The following PDGFC variants were observed in gnomAD, a reference collection of about 807,000 sequenced individuals.
The protein encoded by PDGFC is platelet-derived growth factor C.
In PDGFC, 12 loss-of-function variants were observed where a neutral mutation model predicts 35.5. The observed-to-expected ratio is 0.34, with a 90% CI of 0.22 to 0.55. The LOEUF (loss-of-function observed/expected upper bound fraction) is 0.55. Among genes scored for constraint, PDGFC ranks in the 20% least tolerant of loss-of-function variants. The pLI, the probability that PDGFC is intolerant of heterozygous loss-of-function variation, is 0.91. For synonymous variants in PDGFC, 159 were observed against 148.8 expected, an observed-to-expected ratio of 1.07 and a Z score of -0.50; for missense variants, 322 against 412.4, an observed-to-expected ratio of 0.78 and a Z score of 1.90.
At chr4:156,960,252 T>TTTTATATATATA (rs1393791877) in intron 1 of PDGFC, among the ~76,000 whole-genome samples, 5 of 137,118 alleles carry the variant, frequency 3.6e-5, no homozygotes, top group African/African-American at 1.4e-4. Flanking sequence ...TATATAACTG[T>TTTTATATATATA]TATATATATA....
At chr4:156,817,052 G>A (rs891395448) in intron 2 of PDGFC, among the ~76,000 whole-genome samples, 3 of 152,072 alleles carry the variant, frequency 2.0e-5, no homozygotes, top group African/African-American at 7.2e-5. Context: ...CACAACACAT[G>A]AATGGGTAAT....
intron 4 of PDGFC, among the ~76,000 whole-genome samples, chr4:156,769,012 T>C (rs961609877): frequency 1.3e-5 from 2 of 151,960 alleles, no homozygotes; most frequent in South Asian, 4.1e-4. Context: ...TCTCTGCCTA[T>C]TTTTTTCCCC....
intron 1 of PDGFC, among the ~76,000 whole-genome samples, chr4:156,883,734 G>A (rs543529538): frequency 6.6e-6 from 1 of 152,164 alleles, no homozygotes; most frequent in African/African-American, 2.4e-5. Flanking sequence ...CTTTCTCTCA[G>A]TGTACCTTAA....
chr4:156,853,161 T>C (rs2911940), intron 1 of PDGFC, among the ~76,000 whole-genome samples: 34,610 of 152,154 alleles, frequency 0.23, 4,474 homozygotes, highest in South Asian at 0.56. Context: ...GTTTGAATTA[T>C]GGGTATTTCT....
At chr4:156,936,071 A>C (rs1335837630) in intron 1 of PDGFC, among the ~76,000 whole-genome samples, 2 of 152,228 alleles carry the variant, frequency 1.3e-5, no homozygotes, top group African/African-American at 4.8e-5. Flanking sequence ...TAATATTAAA[A>C]TATAAATAAG....
intron 3 of PDGFC, among the ~76,000 whole-genome samples, chr4:156,791,110 C>T (rs1731289871): frequency 6.6e-6 from 1 of 152,108 alleles, no homozygotes; most frequent in African/African-American, 2.4e-5. Context: ...TGGCATTTTC[C>T]CAGCCAGTAC....
intron 1 of PDGFC, among the ~76,000 whole-genome samples, chr4:156,881,734 G>T (rs920927488): frequency 4.6e-5 from 7 of 150,656 alleles, no homozygotes; most frequent in Non-Finnish European, 1.5e-5. Flanking sequence ...GGAGGCTGAG[G>T]AAGGAGAATC....
chr4:156,821,763 T>A (rs1174435743), intron 2 of PDGFC, among the ~76,000 whole-genome samples: 1 of 152,130 alleles, frequency 6.6e-6, no homozygotes, highest in Non-Finnish European at 1.5e-5. Context: ...TTGGCCAGGC[T>A]GGTCTTGAGC....
chr4:156,778,110 T>TA (rs1347282755), intron 3 of PDGFC: 1 of 240,660 alleles, frequency 4.2e-6, no homozygotes, highest in African/African-American at 2.3e-5. Context: ...CCTCAAAAAA[T>TA]AAAAAATAAA....
At chr4:156,795,319 A>G (rs563296445) in intron 3 of PDGFC, among the ~76,000 whole-genome samples, 1 of 152,328 alleles carries the variant, frequency 6.6e-6, no homozygotes, top group East Asian at 1.9e-4. Flanking sequence ...CAGGAAGGAA[A>G]GCCTCATAAA....
intron 1 of PDGFC, among the ~76,000 whole-genome samples, chr4:156,968,289 T>A (rs192923501): frequency 7.8e-4 from 118 of 152,224 alleles, no homozygotes; most frequent in Admixed American, 4.2e-3. Context: ...TCATAATATA[T>A]CAATTTGGAC....
intron 1 of PDGFC, among the ~76,000 whole-genome samples, chr4:156,944,945 TG>T (rs1731903490): frequency 2.6e-5 from 4 of 151,906 alleles, no homozygotes; most frequent in Non-Finnish European, 4.4e-5. Context: ...CCTCTCCCCT[TG>T]GCCCTGTCTG....
chr4:156,838,282 T>G (rs2111045351), intron 2 of PDGFC, among the ~76,000 whole-genome samples: 1 of 152,328 alleles, frequency 6.6e-6, no homozygotes, highest in East Asian at 1.9e-4. Context: ...GGGCCATTTC[T>G]CCACCAATCA....
intron 2 of PDGFC, among the ~76,000 whole-genome samples, chr4:156,818,743 C>A (rs1732165502): frequency 6.6e-6 from 1 of 152,044 alleles, no homozygotes; most frequent in South Asian, 2.1e-4. Context: ...ACCTCGTGAT[C>A]CGCCCGCCTG....
At chr4:156,926,566 A>G (rs1731419478) in intron 1 of PDGFC, among the ~76,000 whole-genome samples, 2 of 152,226 alleles carry the variant, frequency 1.3e-5, no homozygotes, top group African/African-American at 4.8e-5. Flanking sequence ...CAAAGGGGCG[A>G]CCAGCCCCAT....
At chr4:156,896,162 C>T (rs1370868833) in intron 1 of PDGFC, among the ~76,000 whole-genome samples, 1 of 152,026 alleles carries the variant, frequency 6.6e-6, no homozygotes, top group African/African-American at 2.4e-5. Flanking sequence ...AATTCAGAAA[C>T]ATATAGAGTA....
intron 1 of PDGFC, among the ~76,000 whole-genome samples, chr4:156,957,123 G>T (rs1337695229): frequency 6.6e-6 from 1 of 152,004 alleles, no homozygotes; most frequent in Non-Finnish European, 1.5e-5. Flanking sequence ...GCGGCTTAAT[G>T]CTCTACAGTT....
chr4:156,849,942 T>C (rs1299901284), intron 2 of PDGFC, among the ~76,000 whole-genome samples: 1 of 152,118 alleles, frequency 6.6e-6, no homozygotes, highest in African/African-American at 2.4e-5. Flanking sequence ...CTCTAATCCT[T>C]ATTTTAAATG....
At chr4:156,807,270 C>T (rs2110933355) in intron 3 of PDGFC, among the ~76,000 whole-genome samples, 1 of 151,950 alleles carries the variant, frequency 6.6e-6, no homozygotes, top group East Asian at 1.9e-4. Context: ...CTATAACTAG[C>T]TATAACCTCA....
Sources: gnomAD v4.1 joint callset for allele counts (sites outside exome capture counted in the v4.1 genomes callset) on GRCh38, gnomAD v4.1.1 for gene constraint, MANE v1.5 for transcripts, NCBI Gene and HGNC (gene_info 2026-07-23, HGNC 2026-07-21) for gene names.